DLGAP2: variants seen among roughly 807,000 people sequenced by gnomAD.
DLGAP2 encodes disks large-associated protein 2.
DLGAP2 carries 26 observed loss-of-function variants against 100.3 expected under a neutral mutation model. That is an observed-to-expected ratio of 0.26 (90% CI 0.19 to 0.36). The LOEUF (loss-of-function observed/expected upper bound fraction) is 0.36, where lower values mean the gene tolerates loss of function less well. DLGAP2 is among the 10% of genes least tolerant of loss of function. The pLI is 1.00. For missense variants in DLGAP2, 1,858 were observed against 1,453.2 expected (o/e 1.28, Z -4.53); for synonymous variants, 886 against 630.1 (o/e 1.41, Z -6.08).
rs927761184 is a variant in DLGAP2, at chr8:1,667,960, T to C, written c.1811-369T>C. On this transcript the variant is annotated intron_variant, in intron 8 of 14. Transcript: ENST00000637795. ...GGTGTGTCTCCGCTGCTGGATTTGT[T>C]GGTATTTTTAAATGACGCCACACCT... Among the ~76,000 whole-genome samples, 16 of 151,622 alleles carry C rather than the reference T, an allele frequency of 1.1e-4. 1 individual carries two copies. Among genetic ancestry groups the C allele is most frequent in the South Asian group, 8.3e-4 (4 of 4,802 alleles).
At chr8:1,139,766 A>G (rs10104725) in intron 2 of DLGAP2, among the ~76,000 whole-genome samples, 134,838 of 152,136 alleles carry the variant, frequency 0.89, 59,854 homozygotes, top group Middle Eastern at 0.92. Context: ...TGCCTGGCAC[A>G]GGGTTTGGGG....
At chr8:1,475,173 G>A (rs888555663) in intron 3 of DLGAP2, among the ~76,000 whole-genome samples, 1 of 152,118 alleles carries the variant, frequency 6.6e-6, no homozygotes, top group East Asian at 1.9e-4. Flanking sequence ...TTGGGCACAC[G>A]TGGACACAGA....
intron 3 of DLGAP2, among the ~76,000 whole-genome samples, chr8:1,468,577 C>G (rs1798693640): frequency 6.6e-6 from 1 of 152,242 alleles, no homozygotes; most frequent in Non-Finnish European, 1.5e-5. Flanking sequence ...CTGGTGCCAC[C>G]AGGTCAGGAC....
intron 4 of DLGAP2, among the ~76,000 whole-genome samples, chr8:1,529,453 T>C (rs2130448798): frequency 6.6e-6 from 1 of 152,184 alleles, no homozygotes; most frequent in African/African-American, 2.4e-5. Context: ...GCCAACAAGA[T>C]GGACCGAAGA....
At chr8:1,323,376 C>A (rs960520272) in intron 3 of DLGAP2, among the ~76,000 whole-genome samples, 1 of 152,212 alleles carries the variant, frequency 6.6e-6, no homozygotes, top group African/African-American at 2.4e-5. Context: ...CGATGCACAT[C>A]CTCCGGGAGG....
chr8:1,009,691 GA>G (rs1419011711), intron 2 of DLGAP2, among the ~76,000 whole-genome samples: 2 of 152,206 alleles, frequency 1.3e-5, no homozygotes, highest in African/African-American at 2.4e-5. Context: ...GCATGATGAA[GA>G]ACCAGAAATG....
intron 2 of DLGAP2, among the ~76,000 whole-genome samples, chr8:1,086,038 A>G (rs1452764488): frequency 2.0e-5 from 3 of 151,920 alleles, no homozygotes; most frequent in Admixed American, 6.6e-5. Context: ...TGTTAATGGG[A>G]TTGTTCTCTT....
chr8:1,506,908 T>C (rs1799940068), intron 4 of DLGAP2, among the ~76,000 whole-genome samples: 2 of 152,310 alleles, frequency 1.3e-5, no homozygotes, highest in African/African-American at 4.8e-5. Flanking sequence ...AGAGTGCTGA[T>C]TGGTGCATTT....
intron 2 of DLGAP2, among the ~76,000 whole-genome samples, chr8:1,110,984 G>A (rs1266882155): frequency 3.9e-5 from 6 of 152,034 alleles, no homozygotes; most frequent in Admixed American, 1.3e-4. Flanking sequence ...TCTGCCAGCC[G>A]AAGGTCACAC....
At chr8:1,522,641 T>C (rs777423351) in intron 4 of DLGAP2, among the ~76,000 whole-genome samples, 3 of 152,210 alleles carry the variant, frequency 2.0e-5, no homozygotes, top group Non-Finnish European at 4.4e-5. Context: ...GCCTGTAAAG[T>C]CACCAGCAGA....
At position 1,131,882 on chromosome 8, in the gene DLGAP2, C is replaced by T. The variant is rs576340404; in HGVS notation, c.74-126969C>T. 3.3e-5 allele frequency among the ~76,000 whole-genome samples: 5 copies of T among 152,260 alleles called. No individual in the cohort carries two copies. In the South Asian group the frequency reaches 1.0e-3, roughly 32 times the overall value. ...CGTTTTTCAATGCTGAGTCATTCTT[C>T]CATTCTACTGGATTTGATTGACAGA... On this transcript the variant is annotated intron_variant, in intron 2 of 14. Coordinates refer to ENST00000637795, the MANE Select transcript of DLGAP2 (RefSeq NM_001346810.2).
Position 1,626,133 on chromosome 8 carries a change from TGGCG to T in DLGAP2, c.1443-604_1443-601del, listed in dbSNP as rs1797489843. On this transcript the variant is annotated intron_variant, in intron 6 of 14. Transcript: ENST00000637795. ...GACGGCTGTTCCCACCTCTGCCCTG[TGGCG>T]GGTGCTCAGCCTCTGGGTGTGGGTT... 5.7e-5 allele frequency among the ~76,000 whole-genome samples: 8 copies of T among 141,062 alleles called. 1 individual carries two copies. In the South Asian group the frequency reaches 1.4e-3, roughly 24 times the overall value. The allele number at this position is 141,062 out of a possible 152,430, so 92.5% of individuals were successfully genotyped here.
chr8:814,466 G>C (rs1796426476), intron 1 of DLGAP2, among the ~76,000 whole-genome samples: 1 of 152,180 alleles, frequency 6.6e-6, no homozygotes. Flanking sequence ...ACTATGTCCT[G>C]AGGATGTATT....
At chr8:1,631,083 A>T (rs1585014570) in intron 7 of DLGAP2, among the ~76,000 whole-genome samples, 1 of 151,976 alleles carries the variant, frequency 6.6e-6, no homozygotes, top group Middle Eastern at 3.4e-3. Context: ...CCGGGTGAAC[A>T]GATCATTTTA....
intron 4 of DLGAP2, among the ~76,000 whole-genome samples, chr8:1,536,025 G>C (rs891325573): frequency 6.6e-6 from 1 of 152,222 alleles, no homozygotes; most frequent in Non-Finnish European, 1.5e-5. Flanking sequence ...TAACAGTCAT[G>C]ACACGTGAGT....
Position 1,074,099 on chromosome 8 carries a change from A to G in DLGAP2, c.73+166133A>G, listed in dbSNP as rs57855293. ...ACTGAGGCTGAACTCACCCAGGTAC[A>G]TATTCAGGATTCACTGTCACAGAAG... is the stretch of plus-strand genomic sequence containing the variant. On this transcript the variant is annotated intron_variant, in intron 2 of 14. Coordinates refer to ENST00000637795, the MANE Select transcript of DLGAP2 (RefSeq NM_001346810.2). Among the ~76,000 whole-genome samples, 24 of 131,978 alleles carry G rather than the reference A, an allele frequency of 1.8e-4. No individual in the cohort carries two copies. In the East Asian group the frequency reaches 4.9e-3, roughly 27 times the overall value. The allele number at this position is 131,978 out of a possible 152,430, so 86.6% of individuals were successfully genotyped here. A position where few individuals can be genotyped will look rare whatever the true frequency, so the allele number is the denominator to read the frequency against.
At position 1,626,812 on chromosome 8, in the gene DLGAP2, C is replaced by T; in HGVS notation, c.1515C>T (p.Ser505=). Residue 505 remains serine, a synonymous_variant, in exon 7 of 15, where the codon TCC becomes TCT. Coordinates refer to ENST00000637795, the MANE Select transcript of DLGAP2 (RefSeq NM_001346810.2). The stretch of plus-strand genomic sequence containing the variant: ...TGGACCCCGCTGCGAACTACAACTC[C>T]CCGAAATTCCGCTCCCGGAACCAGA... ...HSLDPAANYN[S]PKFRSRNQSY... is the part of the protein sequence containing the mutation. 2 of 1,604,940 alleles carry T rather than the reference C, an allele frequency of 1.2e-6. No homozygotes were observed. Among genetic ancestry groups the T allele is most frequent in the South Asian group, 1.1e-5 (1 of 88,506 alleles).
chr8:1,543,290 G>A (rs1338100177), intron 4 of DLGAP2, among the ~76,000 whole-genome samples: 3 of 152,146 alleles, frequency 2.0e-5, no homozygotes, highest in African/African-American at 7.2e-5. Flanking sequence ...ACAAAGAAAT[G>A]CATCTATGTT....
intron 5 of DLGAP2, among the ~76,000 whole-genome samples, chr8:1,550,445 A>G (rs925818644): frequency 6.6e-6 from 1 of 152,094 alleles, no homozygotes; most frequent in African/African-American, 2.4e-5. Flanking sequence ...TAAGGCCTCT[A>G]AGGCTGGAGG....
Sources: gnomAD v4.1 joint callset for allele counts (sites outside exome capture counted in the v4.1 genomes callset) on GRCh38, gnomAD v4.1.1 for gene constraint, MANE v1.5 for transcripts, NCBI Gene and HGNC (gene_info 2026-07-23, HGNC 2026-07-21) for gene names.